DUSP5: variants seen among roughly 807,000 people sequenced by gnomAD.
DUSP5 encodes dual specificity protein phosphatase 5.
DUSP5 carries 22 observed loss-of-function variants against 33.6 expected under a neutral mutation model. The ratio of observed to expected loss-of-function variants is 0.66; its 90% CI spans 0.47 to 0.94. DUSP5 has a LOEUF of 0.94. Among genes scored for constraint, DUSP5 ranks in the 40% least tolerant of loss-of-function variants. DUSP5 has a pLI of 0.00. For synonymous variants in DUSP5, 270 were observed against 231.1 expected (o/e 1.17, Z -1.53); for missense variants, 551 against 522.1 (o/e 1.06, Z -0.54).
intron 2 of DUSP5, 29 bp from the exon 3 acceptor site, chr10:110,506,906 T>C (rs1235505687): frequency 2.5e-6 from 4 of 1,606,170 alleles, no homozygotes; most frequent in Non-Finnish European, 2.6e-6. Flanking sequence ...ATCCAATATT[T>C]CCTGATTGTC....
At chr10:110,508,581 G>A (rs906610868) in intron 3 of DUSP5, among the ~76,000 whole-genome samples, 6 of 152,174 alleles carry the variant, frequency 3.9e-5, no homozygotes, top group Admixed American at 6.5e-5. Flanking sequence ...TCCAAGGGAA[G>A]AGGGCCATGT....
Position 110,511,418 on chromosome 10 carries a change from C to A in DUSP5, c.*992C>A, listed in dbSNP as rs1002195695. On this transcript the variant is annotated 3_prime_UTR_variant, in exon 4 of 4. Transcript: ENST00000369583. ...TTTTCTTTTTGTCTGTTAGTTATTT[C>A]TCCAGGGGAAAAGGCAATAATTTTC... 6.6e-5 allele frequency: 10 copies of A among 152,476 alleles called. No homozygotes were observed. The highest frequency in any genetic ancestry group is 1.3e-4 in the Non-Finnish European group (9 of 68,030). 9.4% of individuals were successfully genotyped at this position (152,476 alleles called of 1,614,324 possible).
rs1025411687 is a variant in DUSP5, at chr10:110,511,101, A to T, written c.*675A>T. On this transcript the variant is annotated 3_prime_UTR_variant, in exon 4 of 4. Transcript: ENST00000369583. ...TTGGCATGATTCTTAGTCATACTTG[A>T]ACTTGTCTCATTCCACCTCTTCTCA... 1 of 152,586 alleles carries T rather than the reference A, an allele frequency of 6.6e-6. No individual in the cohort carries two copies. Among genetic ancestry groups the T allele is most frequent in the Non-Finnish European group, 1.5e-5 (1 of 68,048 alleles). 9.5% of individuals were successfully genotyped at this position (152,586 alleles called of 1,614,324 possible).
intron 2 of DUSP5, 118 bp from the exon 3 acceptor site, chr10:110,506,817 G>T: frequency 8.8e-7 from 1 of 1,137,578 alleles, no homozygotes; most frequent in Non-Finnish European, 1.3e-6. Flanking sequence ...AACTCCACTT[G>T]GAAACCAGAA....
Position 110,502,867 on chromosome 10 carries a change from C to G in DUSP5, c.526C>G (p.Gln176Glu), listed in dbSNP as rs759341706. Residue 176 changes from glutamine to glutamate, a missense_variant and splice_region_variant, in exon 2 of 4, where the codon CAG becomes GAG. Physicochemically the swap from Gln to Glu is conservative, Grantham distance 29. Around this residue, in one of 3 missense-constraint regions of DUSP5, gnomAD observed 381 missense variants for 310.4 expected, o/e 1.23. Coordinates refer to ENST00000369583, the MANE Select transcript of DUSP5 (RefSeq NM_004419.4). ...TGTCAGCTACAGGCCAGCTTATGACCAGGTACGTGATGTGATGGGGAAGAG... is the reference window on the plus strand; with the variant it reads ...TGTCAGCTACAGGCCAGCTTATGACGAGGTACGTGATGTGATGGGGAAGAG... Reference protein sequence around the residue: ...VNVSYRPAYDQGGPVEILPFL... With the variant: ...VNVSYRPAYDEGGPVEILPFL... The G allele has an allele frequency of 5.0e-6, 8 of 1,614,118 alleles. No homozygotes were observed. The highest frequency in any genetic ancestry group is 6.8e-6 in the Non-Finnish European group (8 of 1,179,994).
Position 110,498,170 on chromosome 10 carries a change from A to G in DUSP5, c.49A>G (p.Lys17Glu). Reference protein sequence around the residue: ...DGRQLRKMLRKEAAARCVVLD... With the variant: ...DGRQLRKMLREEAAARCVVLD... Reference sequence around the variant, plus strand: ...GCGCCAGCTGCGCAAGATGCTCCGCAAGGAGGCGGCGGCGCGCTGCGTGGT... The same window carrying G: ...GCGCCAGCTGCGCAAGATGCTCCGCGAGGAGGCGGCGGCGCGCTGCGTGGT... The change falls in exon 1 of 4, where the codon AAG becomes GAG. Residue 17 changes from lysine to glutamate, a missense_variant. Physicochemically the swap from Lys to Glu is moderately conservative, Grantham distance 56. Around this residue, in one of 3 missense-constraint regions of DUSP5, gnomAD observed 381 missense variants for 310.4 expected, o/e 1.23. Transcript: ENST00000369583. The G allele has an allele frequency of 6.7e-7, 1 of 1,487,294 alleles. No individual in the cohort carries two copies. The highest frequency in any genetic ancestry group is 1.2e-5 in the South Asian group (1 of 83,848). 92.1% of individuals were successfully genotyped at this position (1,487,294 alleles called of 1,614,324 possible). A position where few individuals can be genotyped will look rare whatever the true frequency, so the allele number is the denominator to read the frequency against.
At chr10:110,505,449 C>A (rs1438759326) in intron 2 of DUSP5, among the ~76,000 whole-genome samples, 1 of 152,218 alleles carries the variant, frequency 6.6e-6, no homozygotes, top group Admixed American at 6.5e-5. Flanking sequence ...TATGTAAAAT[C>A]TTGTGTAATT....
In DUSP5 at chr10:110,511,507, TTA is replaced by T. The variant is rs1326738671; in HGVS notation, c.*1084_*1085del. ...TGGTTGTTGTTGTTGTTCTTGTTTT[TTA>T]TAGTGTAAAATAAAAATAGTAAAAG... On this transcript the variant is annotated 3_prime_UTR_variant, in exon 4 of 4. Coordinates refer to ENST00000369583, the MANE Select transcript of DUSP5 (RefSeq NM_004419.4). The T allele has an allele frequency of 6.5e-6, 1 of 152,688 alleles. No individual in the cohort carries two copies. The highest frequency in any genetic ancestry group is 2.4e-5 in the African/African-American group (1 of 41,464). The allele number at this position is 152,688 out of a possible 1,614,324, so 9.5% of individuals were successfully genotyped here.
At chr10:110,508,290 C>T (rs539889830) in intron 3 of DUSP5, among the ~76,000 whole-genome samples, 18 of 152,180 alleles carry the variant, frequency 1.2e-4, no homozygotes, top group Middle Eastern at 3.4e-3. Context: ...GGTGGGAAAC[C>T]CTTGACTTGT....
intron 2 of DUSP5, 22 bp from the exon 3 acceptor site, chr10:110,506,913 T>C: frequency 6.2e-7 from 1 of 1,609,556 alleles, no homozygotes; most frequent in Non-Finnish European, 8.5e-7. Flanking sequence ...ATTTCCTGAT[T>C]GTCCTTTGTC....
Position 110,510,239 on chromosome 10 carries a change from AC to A in DUSP5, c.973del (p.Gln325SerfsTer14). 1 of 1,614,004 alleles carries A rather than the reference AC, an allele frequency of 6.2e-7. No individual in the cohort carries two copies. The highest frequency in any genetic ancestry group is 8.5e-7 in the Non-Finnish European group (1 of 1,179,976). ...TCTGAGATCCTGCCCTCCACGCCCA[AC>A]CCCCAGCCTCCCTCCTGCCAAGGGG... is the stretch of plus-strand genomic sequence containing the variant. ...YESEILPSTP[N>X]PQPPSCQGEA... On this transcript the variant is annotated frameshift_variant, in exon 4 of 4. Transcript: ENST00000369583. LOFTEE classifies it high-confidence loss of function.
Position 110,510,310 on chromosome 10 carries a change from C to G in DUSP5, c.1039C>G (p.Pro347Ala), listed in dbSNP as rs1310357657. Residue 347 changes from proline (P) to alanine (A), a missense_variant, in exon 4 of 4, where the codon CCT (proline) becomes GCT (alanine). Pro to Ala is a conservative substitution (Grantham distance 27). Coordinates refer to ENST00000369583, the MANE Select transcript of DUSP5 (RefSeq NM_004419.4). ...SLIGHLQTLS[P>A]DMQGAYCTFP... is the part of the protein sequence containing the mutation. ...GATAGGCCATTTGCAGACACTGAGC[C>G]CTGACATGCAGGGTGCCTACTGCAC... is the stretch of plus-strand genomic sequence containing the variant. The G allele has an allele frequency of 2.5e-6, 4 of 1,614,218 alleles. No homozygotes were observed. In the Admixed American group the frequency reaches 6.7e-5, roughly 27 times the overall value.
chr10:110,510,898 A>G lies in DUSP5; in HGVS notation c.*472A>G, dbSNP rs1025183769. On this transcript the variant is annotated 3_prime_UTR_variant, in exon 4 of 4. Transcript: ENST00000369583. Reference sequence around the variant, plus strand: ...TGTTGCTTCGGGGCATAAGCTGATCACCGTCTAGTTGGGAAAGTAACCCTA... The same window carrying G: ...TGTTGCTTCGGGGCATAAGCTGATCGCCGTCTAGTTGGGAAAGTAACCCTA... 2 of 156,292 alleles carry G rather than the reference A, an allele frequency of 1.3e-5. No individual in the cohort carries two copies. The highest frequency in any genetic ancestry group is 4.8e-5 in the African/African-American group (2 of 41,506). 9.7% of individuals were successfully genotyped at this position (156,292 alleles called of 1,614,324 possible). A position where few individuals can be genotyped will look rare whatever the true frequency, so the allele number is the denominator to read the frequency against.
chr10:110,500,311 A>G (rs1860028072), intron 1 of DUSP5, among the ~76,000 whole-genome samples: 1 of 152,216 alleles, frequency 6.6e-6, no homozygotes, highest in Admixed American at 6.5e-5. Context: ...GCTCCAAGCA[A>G]TGCGGTAGAT....
intron 2 of DUSP5, among the ~76,000 whole-genome samples, chr10:110,506,210 G>A (rs1860116732): frequency 6.6e-6 from 1 of 152,198 alleles, no homozygotes; most frequent in East Asian, 1.9e-4. Context: ...TAGGAAGATC[G>A]CTTGAGGCCA....
In DUSP5 at chr10:110,511,499, C is replaced by G. The variant is rs1042641; in HGVS notation, c.*1073C>G. On this transcript the variant is annotated 3_prime_UTR_variant, in exon 4 of 4. Transcript: ENST00000369583. ...TATGTTACTGGTTGTTGTTGTTGTT[C>G]TTGTTTTTTATAGTGTAAAATAAAA... 0.075 allele frequency: 11,407 copies of G among 152,124 alleles called. 596 individuals are homozygous for G. Among genetic ancestry groups the G allele is most frequent in the East Asian group, 0.23 (1,208 of 5,154 alleles). 9.4% of individuals were successfully genotyped at this position (152,124 alleles called of 1,614,324 possible).
intron 1 of DUSP5, among the ~76,000 whole-genome samples, chr10:110,498,731 T>C (rs1230132936): frequency 6.6e-6 from 1 of 152,130 alleles, no homozygotes; most frequent in East Asian, 1.9e-4. Context: ...TGCCCGGTGG[T>C]CTGGGTGGAG....
At position 110,498,435 on chromosome 10, in the gene DUSP5, C is replaced by G. The variant is rs773599328; in HGVS notation, c.314C>G (p.Ala105Gly). ...HWQKLREESA[A>G]RVVLTSLLAC... Reference sequence around the variant, plus strand: ...CAGAAGCTGCGAGAGGAGAGCGCCGCGCGTGTCGTCCTCACCTCGCTACTC... The same window carrying G: ...CAGAAGCTGCGAGAGGAGAGCGCCGGGCGTGTCGTCCTCACCTCGCTACTC... The change falls in exon 1 of 4, where the codon GCG becomes GGG. Residue 105 changes from alanine to glycine, a missense_variant. Physicochemically the swap from Ala to Gly is moderately conservative, Grantham distance 60. Transcript: ENST00000369583. 6.5e-7 allele frequency: 1 copy of G among 1,537,032 alleles called. No individual in the cohort carries two copies. The highest frequency in any genetic ancestry group is 2.6e-5 in the East Asian group (1 of 37,784).
intron 1 of DUSP5, among the ~76,000 whole-genome samples, chr10:110,501,878 C>T (rs1192692244): frequency 3.3e-5 from 5 of 150,036 alleles, no homozygotes; most frequent in African/African-American, 1.2e-4. Context: ...CTCAGAGGGT[C>T]GTTTTTACCT....
Sources: allele counts gnomAD v4.1 joint callset (sites outside exome capture counted in the v4.1 genomes callset), GRCh38; gene constraint gnomAD v4.1.1; regional missense constraint gnomAD v4.1.1; transcripts MANE v1.5; gene names NCBI Gene and HGNC (gene_info 2026-07-23, HGNC 2026-07-21).